Variants in TIAM1 observed in about 807,000 individuals in gnomAD.
The protein encoded by TIAM1 is TIAM Rac1 associated GEF 1.
TIAM1 carries 65 observed loss-of-function variants against 163.5 expected under a neutral mutation model. The observed-to-expected ratio is 0.40, with a 90% confidence interval of 0.33 to 0.49. The LOEUF (loss-of-function observed/expected upper bound fraction) is 0.49. Ranked by LOEUF, TIAM1 falls within the 20% of genes least tolerant of loss-of-function variation. The probability of loss-of-function intolerance (pLI) is 0.77; values close to 1 mark genes in which losing one functional copy is unlikely to be tolerated. For synonymous variants in TIAM1, 833 were observed against 810.1 expected (o/e 1.03, Z -0.48); for missense variants, 1,789 against 2,044.7 (o/e 0.87, Z 2.41).
intron 2 of TIAM1, among the ~76,000 whole-genome samples, chr21:31,439,675 T>G (rs1007273065): frequency 7.2e-6 from 1 of 139,500 alleles, no homozygotes; most frequent in East Asian, 1.9e-4. Flanking sequence ...GTCATTAATA[T>G]GTATAAGCTT....
intron 2 of TIAM1, among the ~76,000 whole-genome samples, chr21:31,302,219 A>G (rs548573741): frequency 1.0e-3 from 156 of 152,270 alleles, no homozygotes; most frequent in African/African-American, 3.5e-3. Context: ...ACTTTAAGTA[A>G]CTGTCTTATA....
intron 2 of TIAM1, among the ~76,000 whole-genome samples, chr21:31,370,974 C>G (rs1303628471): frequency 6.6e-6 from 1 of 152,104 alleles, no homozygotes; most frequent in Non-Finnish European, 1.5e-5. Flanking sequence ...TTGAGTTTGG[C>G]CCCCAGTGTC....
intron 2 of TIAM1, among the ~76,000 whole-genome samples, chr21:31,310,708 T>G (rs1007827795): frequency 6.6e-6 from 1 of 152,262 alleles, no homozygotes. Flanking sequence ...TGCATTTCCT[T>G]CTACTACCAA....
chr21:31,169,667 A>G (rs1008942396), intron 15 of TIAM1, among the ~76,000 whole-genome samples: 1 of 152,166 alleles, frequency 6.6e-6, no homozygotes, highest in Non-Finnish European at 1.5e-5. Flanking sequence ...AGAAAGAAAA[A>G]GATCTGGTAT....
intron 8 of TIAM1, 102 bp downstream of exon 8, chr21:31,223,292 GAAATCCATACAC>G: frequency 7.5e-6 from 9 of 1,201,618 alleles, no homozygotes; most frequent in Non-Finnish European, 1.0e-5. Context: ...GGGCATTTCA[GAAATCCATACAC>G]AGCAGGAAGC....
intron 1 of TIAM1, among the ~76,000 whole-genome samples, chr21:31,550,712 A>G (rs531188543): frequency 5.6e-4 from 85 of 152,334 alleles, no homozygotes; most frequent in Middle Eastern, 3.4e-3. Flanking sequence ...ACAGAAATAC[A>G]ATGTACCAAC....
chr21:31,254,625 A>G (rs964238320), intron 4 of TIAM1, among the ~76,000 whole-genome samples: 2 of 152,136 alleles, frequency 1.3e-5, no homozygotes, highest in Non-Finnish European at 2.9e-5. Flanking sequence ...ACTTGAGTCC[A>G]GGAAGTGGAG....
intron 2 of TIAM1, among the ~76,000 whole-genome samples, chr21:31,422,230 A>G (rs778959536): frequency 2.6e-5 from 4 of 152,196 alleles, no homozygotes; most frequent in Non-Finnish European, 5.9e-5. Context: ...AAAATCACAC[A>G]AAAGAGGGAT....
At chr21:31,160,234 A>T (rs890004535) in intron 16 of TIAM1, among the ~76,000 whole-genome samples, 5 of 152,222 alleles carry the variant, frequency 3.3e-5, no homozygotes, top group Admixed American at 1.3e-4. Flanking sequence ...AGGCAAATTC[A>T]ACTCCATACC....
intron 2 of TIAM1, among the ~76,000 whole-genome samples, chr21:31,390,642 T>A (rs116920244): frequency 0.012 from 1,902 of 152,340 alleles, 17 homozygotes; most frequent in South Asian, 0.027. Flanking sequence ...CTGAAATTTT[T>A]AAGCAAAACT....
intron 1 of TIAM1, among the ~76,000 whole-genome samples, chr21:31,465,358 G>T (rs1485151584): frequency 6.6e-6 from 1 of 151,964 alleles, no homozygotes; most frequent in Non-Finnish European, 1.5e-5. Context: ...CTCCCAAGTA[G>T]CTGGGACTAC....
chr21:31,165,344 C>T (rs1200188748), intron 15 of TIAM1, among the ~76,000 whole-genome samples: 1 of 152,158 alleles, frequency 6.6e-6, no homozygotes, highest in Non-Finnish European at 1.5e-5. Flanking sequence ...TGAAGACCTA[C>T]CCCTCAATGT....
At chr21:31,229,657 C>T (rs2088286329) in intron 6 of TIAM1, among the ~76,000 whole-genome samples, 1 of 148,036 alleles carries the variant, frequency 6.8e-6, no homozygotes, top group Non-Finnish European at 1.5e-5. Flanking sequence ...TTCACCCCCC[C>T]TTTTTTTTTT....
intron 6 of TIAM1, among the ~76,000 whole-genome samples, chr21:31,242,216 T>C (rs1194897843): frequency 2.0e-5 from 3 of 152,142 alleles, no homozygotes; most frequent in Non-Finnish European, 1.5e-5. Flanking sequence ...TAAGGAAATA[T>C]AACTTTTGTT....
chr21:31,153,040 C>T (rs761230678), intron 18 of TIAM1, 26 bp downstream of exon 18: 18 of 1,605,234 alleles, frequency 1.1e-5, no homozygotes, highest in African/African-American at 2.7e-5. Context: ...ATGATGGTCA[C>T]AAAGTTGAAA....
chr21:31,557,832 C>T (rs1020891804), intron 1 of TIAM1, among the ~76,000 whole-genome samples: 4 of 152,156 alleles, frequency 2.6e-5, no homozygotes, highest in African/African-American at 9.6e-5. Flanking sequence ...GGAGACGCGA[C>T]GACTGGAACC....
intron 2 of TIAM1, among the ~76,000 whole-genome samples, chr21:31,328,921 C>T (rs572334421): frequency 1.3e-5 from 2 of 152,294 alleles, no homozygotes; most frequent in East Asian, 3.9e-4. Context: ...GCTGGAATTA[C>T]AGGTGTGAGC....
intron 2 of TIAM1, among the ~76,000 whole-genome samples, chr21:31,444,123 C>G (rs2044531478): frequency 6.6e-6 from 1 of 152,110 alleles, no homozygotes; most frequent in African/African-American, 2.4e-5. Context: ...TCTGTAGCTC[C>G]CAGCAGCGGG....
intron 2 of TIAM1, among the ~76,000 whole-genome samples, chr21:31,353,831 T>C (rs1352081958): frequency 4.5e-5 from 5 of 110,426 alleles, no homozygotes; most frequent in East Asian, 2.8e-4. Flanking sequence ...ATTTATTTAT[T>C]TATCTTTTTT....
Sources: allele counts gnomAD v4.1 joint callset (sites outside exome capture counted in the v4.1 genomes callset), GRCh38; gene constraint gnomAD v4.1.1; transcripts MANE v1.5; gene names NCBI Gene and HGNC (gene_info 2026-07-23, HGNC 2026-07-21).